SOHLH2: variants seen among roughly 807,000 people sequenced by gnomAD.
SOHLH2 encodes the protein spermatogenesis- and oogenesis-specific basic helix-loop-helix-containing protein 2.
Under a neutral mutation model 50.4 loss-of-function variants are expected in SOHLH2, and 22 were observed. The observed-to-expected ratio is 0.44, with a 90% CI of 0.31 to 0.62. The LOEUF is 0.62. Ranked by LOEUF, SOHLH2 falls within the 20% of genes least tolerant of loss-of-function variation. The pLI is 0.08. For missense variants in SOHLH2, 412 were observed against 504.4 expected (o/e 0.82, Z 1.76); for synonymous variants, 185 against 187.3 (o/e 0.99, Z 0.10).
chr13:36,198,303 A>T (rs1887795936), intron 2 of SOHLH2, among the ~76,000 whole-genome samples: 1 of 152,198 alleles, frequency 6.6e-6, no homozygotes, highest in Non-Finnish European at 1.5e-5. Flanking sequence ...TTTAAAACAT[A>T]TTTAAACTTT....
chr13:36,190,381 C>T (rs1887540912), intron 5 of SOHLH2, among the ~76,000 whole-genome samples: 1 of 151,996 alleles, frequency 6.6e-6, no homozygotes, highest in African/African-American at 2.4e-5. Flanking sequence ...GACTATGCAC[C>T]CTTCAGAAGG....
Position 36,193,813 on chromosome 13 carries a change from A to G in SOHLH2, c.318T>C (p.Asn106=), listed in dbSNP as rs996588972. 6.9e-6 allele frequency: 11 copies of G among 1,603,824 alleles called. No homozygotes were observed. Among genetic ancestry groups the G allele is most frequent in the African/African-American group, 1.3e-5 (1 of 74,414 alleles). Residue 106 remains asparagine, a synonymous_variant, in exon 3 of 11, where the codon AAT becomes AAC. Transcript: ENST00000379881. ...TATTTAGCAGGTACATACCTTTAAA[A>G]TTTTCAGGGATTATAAAAACAAACA... ...HSLFVFIIPE[N]FKGCISGHGM...
At chr13:36,197,836 A>G (rs1311177375) in intron 2 of SOHLH2, among the ~76,000 whole-genome samples, 1 of 152,232 alleles carries the variant, frequency 6.6e-6, no homozygotes, top group Non-Finnish European at 1.5e-5. Flanking sequence ...ACATGGTGCT[A>G]GAAGTTATAA....
intron 2 of SOHLH2, among the ~76,000 whole-genome samples, chr13:36,196,673 G>A (rs1169717612): frequency 1.3e-5 from 2 of 152,126 alleles, no homozygotes; most frequent in Non-Finnish European, 2.9e-5. Flanking sequence ...ATCTTCCTAT[G>A]TCCATTTTTG....
At chr13:36,195,676 T>G (rs1887703330) in intron 2 of SOHLH2, among the ~76,000 whole-genome samples, 1 of 152,168 alleles carries the variant, frequency 6.6e-6, no homozygotes, top group Non-Finnish European at 1.5e-5. Flanking sequence ...GAGCTGATGG[T>G]AAGGAAAGCG....
intron 1 of SOHLH2, among the ~76,000 whole-genome samples, chr13:36,202,797 T>C (rs1316832303): frequency 6.6e-6 from 1 of 152,144 alleles, no homozygotes; most frequent in African/African-American, 2.4e-5. Context: ...TGCCAGGCCA[T>C]AGACATCTGT....
intron 6 of SOHLH2, among the ~76,000 whole-genome samples, chr13:36,188,839 C>T (rs1014072438): frequency 5.9e-5 from 9 of 152,134 alleles, no homozygotes; most frequent in African/African-American, 2.2e-4. Flanking sequence ...TATATCCATC[C>T]CTATGTCCAC....
chr13:36,201,762 C>T, intron 2 of SOHLH2, 117 bp downstream of exon 2: 1 of 1,422,998 alleles, frequency 7.0e-7, no homozygotes. Flanking sequence ...GAGCCAATCC[C>T]TGGCCCCTCA....
intron 1 of SOHLH2, among the ~76,000 whole-genome samples, chr13:36,203,599 T>G (rs1868560791): frequency 6.6e-6 from 1 of 152,224 alleles, no homozygotes; most frequent in African/African-American, 2.4e-5. Context: ...TTGTTTTGCA[T>G]ACTCCAAAGG....
At chr13:36,174,361 C>A in intron 8 of SOHLH2, 115 bp downstream of exon 8, 1 of 1,383,446 alleles carries the variant, frequency 7.2e-7, no homozygotes, top group Non-Finnish European at 9.9e-7. Context: ...GTTCGCTGAC[C>A]CTTAATAAGC....
At chr13:36,208,535 C>T (rs1196968858) in intron 1 of SOHLH2, among the ~76,000 whole-genome samples, 1 of 152,164 alleles carries the variant, frequency 6.6e-6, no homozygotes, top group Non-Finnish European at 1.5e-5. Flanking sequence ...TCTCTCCAAA[C>T]AAGGCAGCAT....
chr13:36,204,545 C>T (rs139647319), intron 1 of SOHLH2, among the ~76,000 whole-genome samples: 8 of 152,226 alleles, frequency 5.3e-5, no homozygotes, highest in African/African-American at 1.9e-4. Context: ...AACAGACTAA[C>T]CTTCTCTCAG....
At chr13:36,187,955 G>T (rs560424526) in intron 6 of SOHLH2, among the ~76,000 whole-genome samples, 1 of 152,112 alleles carries the variant, frequency 6.6e-6, no homozygotes, top group Non-Finnish European at 1.5e-5. Flanking sequence ...AGTGGCCTGG[G>T]CCCAGGCCTG....
intron 9 of SOHLH2, 47 bp downstream of exon 9, chr13:36,173,645 C>T: frequency 6.2e-7 from 1 of 1,608,132 alleles, no homozygotes; most frequent in Non-Finnish European, 8.5e-7. Flanking sequence ...GTTTGCAGGG[C>T]AGGGCAGGTC....
Position 36,174,577 on chromosome 13 carries a change from A to G in SOHLH2, c.790-10T>C, listed in dbSNP as rs1335194866. Reference sequence around the variant, plus strand: ...GAAGTGCTTCTGTAATCTAAAAAACACAGAAATATATTTAGGTAGATACCG... The same window carrying G: ...GAAGTGCTTCTGTAATCTAAAAAACGCAGAAATATATTTAGGTAGATACCG... On this transcript the variant is annotated splice_polypyrimidine_tract_variant and intron_variant, in intron 7 of 10. Coordinates refer to ENST00000379881, the MANE Select transcript of SOHLH2 (RefSeq NM_017826.3). 1.2e-6 allele frequency: 2 copies of G among 1,613,860 alleles called. No homozygotes were observed. Among genetic ancestry groups the G allele is most frequent in the African/African-American group, 2.7e-5 (2 of 74,932 alleles).
chr13:36,197,935 T>C (rs960504009), intron 2 of SOHLH2, among the ~76,000 whole-genome samples: 3 of 152,208 alleles, frequency 2.0e-5, no homozygotes, highest in Non-Finnish European at 4.4e-5. Flanking sequence ...TGTTTTGCTG[T>C]TACTGTGTTT....
At chr13:36,198,868 TATC>T (rs1442603979) in intron 2 of SOHLH2, among the ~76,000 whole-genome samples, 2 of 152,200 alleles carry the variant, frequency 1.3e-5, no homozygotes, top group Non-Finnish European at 2.9e-5. Flanking sequence ...ACTTTCATTC[TATC>T]ATCAATTCCT....
chr13:36,172,788 T>C (rs1047333555), intron 9 of SOHLH2, among the ~76,000 whole-genome samples: 1 of 152,126 alleles, frequency 6.6e-6, no homozygotes, highest in Admixed American at 6.6e-5. Flanking sequence ...AGGGAGGTGC[T>C]TGGTGAGAGC....
At chr13:36,175,508 G>A (rs1887074772) in intron 6 of SOHLH2, among the ~76,000 whole-genome samples, 2 of 152,214 alleles carry the variant, frequency 1.3e-5, no homozygotes, top group Non-Finnish European at 2.9e-5. Context: ...CAGCTCTGAA[G>A]GGGGATAGGA....
Sources: allele counts gnomAD v4.1 joint callset (sites outside exome capture counted in the v4.1 genomes callset), GRCh38; gene constraint gnomAD v4.1.1; transcripts MANE v1.5; gene names NCBI Gene and HGNC (gene_info 2026-07-23, HGNC 2026-07-21).